The following SDK1 variants were observed in gnomAD, a reference collection of about 807,000 sequenced individuals.
SDK1 encodes the protein sidekick cell adhesion molecule 1, also known as protein sidekick-1.
In SDK1, 157 loss-of-function variants were observed where a neutral mutation model predicts 245.5. The observed-to-expected ratio is 0.64, with a 90% CI of 0.56 to 0.73. The LOEUF is 0.73. SDK1 is among the 30% of genes least tolerant of loss of function. The pLI, the probability that SDK1 is intolerant of heterozygous loss-of-function variation, is 0.00. For missense variants in SDK1, 3,583 were observed against 3,002.3 expected (o/e 1.19, Z -4.52); for synonymous variants, 1,647 against 1,278.5 (o/e 1.29, Z -6.15).
chr7:3,881,556 A>G (rs1024089323), intron 5 of SDK1, among the ~76,000 whole-genome samples: 1 of 152,210 alleles, frequency 6.6e-6, no homozygotes, highest in African/African-American at 2.4e-5. Flanking sequence ...TAGTGCTGCA[A>G]TGAACATATG....
intron 1 of SDK1, among the ~76,000 whole-genome samples, chr7:3,607,655 G>C (rs1562598187): frequency 6.6e-6 from 1 of 152,146 alleles, no homozygotes; most frequent in South Asian, 2.1e-4. Flanking sequence ...CAACTTCTTT[G>C]GCTTAATAGT....
chr7:4,128,397 C>G (rs1584227668), intron 26 of SDK1, among the ~76,000 whole-genome samples: 1 of 152,258 alleles, frequency 6.6e-6, no homozygotes, highest in Admixed American at 6.5e-5. Context: ...ACACCACATT[C>G]CTGGGGCCCC....
At chr7:3,540,702 C>A (rs1373904089) in intron 1 of SDK1, among the ~76,000 whole-genome samples, 1 of 152,192 alleles carries the variant, frequency 6.6e-6, no homozygotes, top group Non-Finnish European at 1.5e-5. Context: ...GTCTGTGACA[C>A]TGGTATCACT....
chr7:3,943,917 T>G (rs62439582), intron 5 of SDK1, among the ~76,000 whole-genome samples: 2,032 of 152,292 alleles, frequency 0.013, 24 homozygotes, highest in Non-Finnish European at 0.021. Flanking sequence ...AGTGTTTGCC[T>G]TTCTGCCTCT....
intron 4 of SDK1, among the ~76,000 whole-genome samples, chr7:3,765,275 T>C (rs1024336258): frequency 6.6e-6 from 1 of 152,198 alleles, no homozygotes; most frequent in African/African-American, 2.4e-5. Context: ...ATAAACAGTA[T>C]TCCATTGTAT....
At chr7:3,798,060 A>G (rs965135850) in intron 4 of SDK1, among the ~76,000 whole-genome samples, 1 of 152,096 alleles carries the variant, frequency 6.6e-6, no homozygotes. Context: ...TCATTGGTAC[A>G]GTACCATTTA....
In SDK1 at chr7:3,967,346, A is replaced by G. The variant is rs759290999; in HGVS notation, c.1458A>G (p.Pro486=). The G allele has an allele frequency of 6.2e-7, 1 of 1,614,160 alleles. No homozygotes were observed. The highest frequency in any genetic ancestry group is 8.5e-7 in the Non-Finnish European group (1 of 1,179,990). Residue 486 remains proline, a synonymous_variant, in exon 10 of 45, where the codon CCA becomes CCG. Transcript: ENST00000404826. ...TNIAPVFTQR[P]VDTTVTDGMT... is the part of the protein sequence containing the mutation. ...TCGCTCCAGTGTTCACCCAGCGGCC[A>G]GTGGACACCACAGTTACTGACGGGA...
intron 29 of SDK1, among the ~76,000 whole-genome samples, chr7:4,147,506 G>A (rs1332302654): frequency 1.3e-5 from 2 of 152,042 alleles, no homozygotes; most frequent in Non-Finnish European, 2.9e-5. Flanking sequence ...GGGCTCAAGC[G>A]ATCCTCCTGC....
chr7:4,083,479 T>C (rs1781194898), intron 22 of SDK1, among the ~76,000 whole-genome samples: 1 of 149,550 alleles, frequency 6.7e-6, no homozygotes, highest in South Asian at 2.1e-4. Flanking sequence ...GTTTGCCCTG[T>C]AAACTGGAAG....
chr7:3,781,275 A>C (rs1047250139), intron 4 of SDK1, among the ~76,000 whole-genome samples: 1 of 152,116 alleles, frequency 6.6e-6, no homozygotes, highest in Non-Finnish European at 1.5e-5. Context: ...CTTAGCCAGC[A>C]ATCTCATCAA....
At chr7:3,528,342 T>G (rs1182058377) in intron 1 of SDK1, among the ~76,000 whole-genome samples, 428 of 77,406 alleles carry the variant, frequency 5.5e-3, no homozygotes, top group East Asian at 8.5e-3. Flanking sequence ...CAGCTGGGGG[T>G]TGAGTGGTGG....
In SDK1 at chr7:3,523,359, G is replaced by A. The variant is rs556833721; in HGVS notation, c.299-95721G>A. 2.8e-4 allele frequency among the ~76,000 whole-genome samples: 42 copies of A among 152,278 alleles called. 1 individual carries two copies. In the South Asian group the frequency reaches 8.7e-3, roughly 32 times the overall value. ...GCTGGCATAGGGCTTCTAACCTAGTGGAGGTGACACAGATACAGGATGTAG... is the reference window on the plus strand; with the variant it reads ...GCTGGCATAGGGCTTCTAACCTAGTAGAGGTGACACAGATACAGGATGTAG... On this transcript the variant is annotated intron_variant, in intron 1 of 44. Transcript: ENST00000404826.
intron 4 of SDK1, among the ~76,000 whole-genome samples, chr7:3,790,415 A>G (rs1365580639): frequency 2.0e-5 from 3 of 152,096 alleles, no homozygotes. Flanking sequence ...GGGCCTGCAA[A>G]ACCAGTCTGC....
intron 1 of SDK1, among the ~76,000 whole-genome samples, chr7:3,358,037 G>A (rs568926078): frequency 6.6e-6 from 1 of 151,162 alleles, no homozygotes. Context: ...TTTTTTTGGG[G>A]GATGGACAGA....
At chr7:3,360,558 C>G (rs983245019) in intron 1 of SDK1, among the ~76,000 whole-genome samples, 1 of 152,120 alleles carries the variant, frequency 6.6e-6, no homozygotes, top group Non-Finnish European at 1.5e-5. Flanking sequence ...ATAGAAATAA[C>G]TTGAAAATTG....
intron 7 of SDK1, 90 bp downstream of exon 7, chr7:3,952,010 T>G: frequency 1.6e-6 from 2 of 1,224,830 alleles, no homozygotes; most frequent in South Asian, 1.4e-5. Flanking sequence ...CGTATTTCAG[T>G]GGCTTTATTT....
intron 40 of SDK1, chr7:4,233,030 A>G (rs916075834): frequency 4.1e-6 from 2 of 493,622 alleles, no homozygotes; most frequent in African/African-American, 3.8e-5. Context: ...CCAGTTCAGT[A>G]GCATTGAGCA....
At chr7:3,797,274 C>T (rs1778983408) in intron 4 of SDK1, among the ~76,000 whole-genome samples, 1 of 152,164 alleles carries the variant, frequency 6.6e-6, no homozygotes, top group Non-Finnish European at 1.5e-5. Context: ...TGAGCTGCCA[C>T]ACCCGTCCCA....
rs368890852 is a variant in SDK1 at position 4,208,238 on chromosome 7, G to C, written c.5354G>C (p.Gly1785Ala). 9 of 1,613,920 alleles carry C rather than the reference G, an allele frequency of 5.6e-6. No individual in the cohort carries two copies. Among genetic ancestry groups the C allele is most frequent in the South Asian group, 1.1e-5 (1 of 91,076 alleles). Residue 1785 changes from glycine to alanine, a missense_variant, in exon 37 of 45, where the codon GGA (glycine) becomes GCA (alanine). By Grantham distance (60) the Gly-to-Ala change is moderately conservative. Coordinates refer to ENST00000404826, the MANE Select transcript of SDK1 (RefSeq NM_152744.4). The stretch of plus-strand genomic sequence containing the variant: ...AGCATATCAGCCTTCAACGCCGCCG[G>C]AGATGGACCTAAGAGTGACCCCCAG... Reference protein sequence around the residue: ...LVSISAFNAAGDGPKSDPQQG... With the variant: ...LVSISAFNAAADGPKSDPQQG...
Sources: allele counts gnomAD v4.1 joint callset (sites outside exome capture counted in the v4.1 genomes callset), GRCh38; gene constraint gnomAD v4.1.1; transcripts MANE v1.5; gene names NCBI Gene and HGNC (gene_info 2026-07-23, HGNC 2026-07-21).